Variants in IL17REL observed in about 807,000 individuals in gnomAD.
IL17REL encodes interleukin-17 receptor E-like protein.
Under a neutral mutation model 49.0 loss-of-function variants are expected in IL17REL, and 36 were observed. The ratio of observed to expected loss-of-function variants is 0.73; its 90% CI spans 0.56 to 0.97. The LOEUF (loss-of-function observed/expected upper bound fraction) is 0.97, where lower values mean the gene tolerates loss of function less well. Among genes scored for constraint, IL17REL ranks in the 50% least tolerant of loss-of-function variants. The pLI is 0.00. For missense variants in IL17REL, 470 were observed against 453.9 expected (o/e 1.04, Z -0.32); for synonymous variants, 206 against 192.4 (o/e 1.07, Z -0.58).
downstream of IL17REL, among the ~76,000 whole-genome samples, chr22:49,994,318 T>TG (rs2061020877): frequency 1.3e-5 from 2 of 152,128 alleles, no homozygotes; most frequent in African/African-American, 4.8e-5. Flanking sequence ...CATGTGACGC[T>TG]GACCTCAAAT....
At chr22:49,994,473 C>T (rs1033984493), downstream of IL17REL, 1 of 152,440 alleles carries the variant, frequency 6.6e-6, no homozygotes, top group African/African-American at 2.4e-5. Flanking sequence ...GCACTCCAGA[C>T]TTGTCCCTGG....
At chr22:49,999,799 T>C (rs1218753303) in intron 5 of IL17REL, 29 bp downstream of exon 7, 1 of 1,474,118 alleles carries the variant, frequency 6.8e-7, no homozygotes, top group Non-Finnish European at 9.0e-7. Flanking sequence ...GGCCTAAGGC[T>C]GACCGGGGCC....
downstream of IL17REL, among the ~76,000 whole-genome samples, chr22:49,992,692 A>C (rs1269028167): frequency 2.0e-5 from 3 of 152,160 alleles, no homozygotes; most frequent in African/African-American, 4.8e-5. Context: ...ATCTCAGCTC[A>C]CTGCAACCTC....
At chr22:50,001,216 CTGTTAAAAATGTT>C in exon 2 of IL17REL, 1 of 1,479,314 alleles carries the variant, frequency 6.8e-7, no homozygotes, top group Non-Finnish European at 9.3e-7. Context: ...CCGGCAGAAG[CTGTTAAAAATGTT>C]CCCTGGGGAG....
exon 13 of IL17REL, chr22:49,994,905 G>A (rs139763617): frequency 3.4e-4 from 52 of 152,538 alleles, no homozygotes; most frequent in African/African-American, 1.2e-3. Flanking sequence ...TGTGCCACTT[G>A]GAATGTCTGA....
Position 49,997,088 on chromosome 22 carries a change from G to T in IL17REL, c.975-14C>A. 6.4e-7 allele frequency: 1 copy of T among 1,572,782 alleles called. No homozygotes were observed. Among genetic ancestry groups the T allele is most frequent in the Non-Finnish European group, 8.6e-7 (1 of 1,163,220 alleles). On this transcript the variant is annotated splice_polypyrimidine_tract_variant and intron_variant, in intron 11 of 12. Transcript: ENST00000341280. ...TGCCAGGTCACCCTGGGTGGGGGAG[G>T]GCAGGTCACAGGCAATGGGAGGAAG...
downstream of IL17REL, among the ~76,000 whole-genome samples, chr22:49,993,216 G>A (rs1376883469): frequency 1.3e-5 from 2 of 152,216 alleles, no homozygotes; most frequent in Non-Finnish European, 2.9e-5. This position sits in a 1 kb window ranked among gnomAD's most constrained non-coding sequence, Gnocchi z 6.0. Context: ...CGGGGCCCAG[G>A]GCCCAAGGCC....
intron 5 of IL17REL, 91 bp downstream of exon 7, chr22:49,999,737 G>GGGGT: frequency 1.2e-6 from 1 of 861,788 alleles, no homozygotes; most frequent in Non-Finnish European, 1.4e-6. Flanking sequence ...GGCGGGGCGC[G>GGGGT]GGGTGGGCGG....
At chr22:49,997,178 C>T in intron 11 of IL17REL, 104 bp from the exon 14 acceptor site, 1 of 1,370,552 alleles carries the variant, frequency 7.3e-7, no homozygotes, top group Non-Finnish European at 1.0e-6. Flanking sequence ...CAGGGCTGGC[C>T]TCCCATCCCT....
downstream of IL17REL, among the ~76,000 whole-genome samples, chr22:49,993,581 T>C (rs6010162): frequency 1.3e-5 from 2 of 152,150 alleles, no homozygotes; most frequent in African/African-American, 4.8e-5. This position sits in a 1 kb window ranked among gnomAD's most constrained non-coding sequence, Gnocchi z 6.0. Context: ...TCCAGCAGGT[T>C]CCTCCCTTGT....
rs759470319 is a variant in IL17REL at position 49,999,447 on chromosome 22, G to A, written c.530C>T (p.Pro177Leu). 5.6e-6 allele frequency: 9 copies of A among 1,611,888 alleles called. No individual in the cohort carries two copies. In the African/African-American group the frequency reaches 8.0e-5, roughly 14 times the overall value. Residue 177 changes from proline (P) to leucine (L), a missense_variant, in exon 6 of 13, where the codon CCG becomes CTG. Coordinates refer to ENST00000341280, the Ensembl canonical transcript of IL17REL. The stretch of plus-strand genomic sequence containing the variant: ...TCCACCGACCTCCAGGCACAGGCAC[G>A]GCAGCTCCTGGCTGTAGGGCAGGAA...
chr22:49,999,803 C>G, intron 5 of IL17REL, 25 bp downstream of exon 7: 4 of 1,478,946 alleles, frequency 2.7e-6, no homozygotes, highest in Non-Finnish European at 3.6e-6. Flanking sequence ...TAAGGCTGAC[C>G]GGGGCCCGGG....
chr22:49,998,727 G>A (rs561994120), intron 7 of IL17REL, among the ~76,000 whole-genome samples: 1 of 151,360 alleles, frequency 6.6e-6, no homozygotes, highest in African/African-American at 2.4e-5. Context: ...GTGTTTGCAT[G>A]TGTATGGGTG....
At chr22:50,005,222 A>G (rs1459811108) in intron 1 of IL17REL, among the ~76,000 whole-genome samples, 1 of 152,172 alleles carries the variant, frequency 6.6e-6, no homozygotes, top group Non-Finnish European at 1.5e-5. Context: ...AACAGAATTC[A>G]TTGTTACTGT....
At chr22:49,997,660 T>TGC in intron 10 of IL17REL, 25 bp downstream of exon 12, 1 of 1,606,952 alleles carries the variant, frequency 6.2e-7, no homozygotes, top group East Asian at 2.2e-5. Flanking sequence ...GCGTCCACAT[T>TGC]GCGTAGGCCT....
intron 9 of IL17REL, 28 bp from the exon 12 acceptor site, chr22:49,997,770 G>A (rs2061045975): frequency 1.2e-6 from 2 of 1,611,418 alleles, no homozygotes; most frequent in Non-Finnish European, 1.7e-6. Flanking sequence ...GGGTGCAGGA[G>A]GGTGGAGTGT....
upstream of IL17REL, among the ~76,000 whole-genome samples, chr22:50,011,035 C>A (rs554250525): frequency 1.3e-3 from 193 of 151,662 alleles, 2 homozygotes; most frequent in South Asian, 7.3e-3. Context: ...TAGCCCCAGC[C>A]TCCCCTCCCT....
intron 12 of IL17REL, 39 bp downstream of exon 14, chr22:49,996,955 A>C: frequency 9.4e-7 from 1 of 1,068,676 alleles, no homozygotes; most frequent in Non-Finnish European, 1.3e-6. Flanking sequence ...CCTGCAGTGG[A>C]GGAGATGGCT....
intron 1 of IL17REL, among the ~76,000 whole-genome samples, chr22:50,003,519 C>CA (rs142337526): frequency 0.077 from 2,826 of 36,844 alleles, 134 homozygotes; most frequent in Non-Finnish European, 0.093. Context: ...GACTCCATCT[C>CA]AAAAAAAAAA....
Sources: allele counts gnomAD v4.1 joint callset (sites outside exome capture counted in the v4.1 genomes callset), GRCh38; gene constraint gnomAD v4.1.1; non-coding constraint Gnocchi (gnomAD v3.1); transcripts MANE v1.5; gene names NCBI Gene and HGNC (gene_info 2026-07-23, HGNC 2026-07-21).